NREP: variants seen among roughly 807,000 people sequenced by gnomAD.
The protein encoded by NREP is neuronal regeneration-related protein.
Under a neutral mutation model 8.6 loss-of-function variants are expected in NREP, and 5 were observed. The ratio of observed to expected loss-of-function variants is 0.58; its 90% CI spans 0.30 to 1.22. NREP has a LOEUF of 1.22. NREP is among the 50% of genes most tolerant of loss of function. The pLI is 0.07. For synonymous variants in NREP, 27 were observed against 28.0 expected, an observed-to-expected ratio of 0.96 and a Z score of 0.11; for missense variants, 86 against 82.5, an observed-to-expected ratio of 1.04 and a Z score of -0.17.
intron 3 of NREP, chr5:111,733,146 T>C (rs1748755583): frequency 6.6e-6 from 1 of 152,204 alleles, no homozygotes; most frequent in Non-Finnish European, 1.5e-5. Context: ...ATAATATACA[T>C]TTCTTCATTA....
chr5:111,819,200 G>C (rs1752461072), intron 2 of NREP, among the ~76,000 whole-genome samples: 2 of 151,992 alleles, frequency 1.3e-5, no homozygotes, highest in Non-Finnish European at 2.9e-5. Flanking sequence ...AGTCACCCCT[G>C]GTCACCTGCT....
intron 2 of NREP, among the ~76,000 whole-genome samples, chr5:111,804,845 C>CA (rs1752102794): frequency 1.3e-5 from 2 of 151,994 alleles, no homozygotes; most frequent in Non-Finnish European, 2.9e-5. Flanking sequence ...ACTAAAAATA[C>CA]AAAAAATTAG....
chr5:111,862,025 A>G (rs1038069741), intron 2 of NREP, among the ~76,000 whole-genome samples: 1 of 152,220 alleles, frequency 6.6e-6, no homozygotes, highest in Admixed American at 6.5e-5. Context: ...AGAAATGAGT[A>G]TAATTTTGGG....
chr5:111,741,377 C>T (rs925058765), intron 2 of NREP, among the ~76,000 whole-genome samples: 1 of 152,196 alleles, frequency 6.6e-6, no homozygotes, highest in Non-Finnish European at 1.5e-5. Context: ...TATACATACA[C>T]TTCCTTTCTG....
chr5:111,857,174 T>C (rs987261078), intron 2 of NREP, among the ~76,000 whole-genome samples: 3 of 151,976 alleles, frequency 2.0e-5, no homozygotes, highest in Non-Finnish European at 4.4e-5. Context: ...GGGCTGGGAG[T>C]GCCGAGAGGA....
chr5:111,855,662 C>A (rs1163865583), intron 2 of NREP, among the ~76,000 whole-genome samples: 1 of 152,116 alleles, frequency 6.6e-6, no homozygotes, highest in Non-Finnish European at 1.5e-5. Flanking sequence ...ATCTAAGAAC[C>A]TTCAGGGGAT....
intron 2 of NREP, among the ~76,000 whole-genome samples, chr5:111,799,202 G>T (rs1268716688): frequency 6.6e-6 from 1 of 152,140 alleles, no homozygotes; most frequent in Non-Finnish European, 1.5e-5. Flanking sequence ...TGGGTAATGT[G>T]ATGCCTCCAG....
At chr5:111,915,803 T>A (rs1755040075) in intron 2 of NREP, among the ~76,000 whole-genome samples, 1 of 152,144 alleles carries the variant, frequency 6.6e-6, no homozygotes, top group Non-Finnish European at 1.5e-5. Flanking sequence ...TTTCATTTTT[T>A]AAAAATGCTA....
At chr5:111,850,044 A>C (rs987753704) in intron 2 of NREP, among the ~76,000 whole-genome samples, 20 of 152,152 alleles carry the variant, frequency 1.3e-4, no homozygotes, top group Non-Finnish European at 2.9e-4. Flanking sequence ...TACAGAAGCT[A>C]AACTAGTATC....
chr5:111,785,227 T>C (rs973795228), intron 2 of NREP, among the ~76,000 whole-genome samples: 18 of 152,192 alleles, frequency 1.2e-4, no homozygotes, highest in Non-Finnish European at 2.1e-4. Context: ...AAGCATGGCT[T>C]TGTTAAACGT....
rs996112780 is a variant in NREP, at chr5:111,788,462, A to C, written c.136-52955T>G. On this transcript the variant is annotated intron_variant, in intron 2 of 3. Coordinates refer to the NREP transcript ENST00000395634. Reference sequence around the variant, plus strand: ...GCTGACACTGTGTGATGTAGAAACAAAACACACATGGAACAATGAGAAATC... The same window carrying C: ...GCTGACACTGTGTGATGTAGAAACACAACACACATGGAACAATGAGAAATC... 7.9e-5 allele frequency among the ~76,000 whole-genome samples: 12 copies of C among 152,326 alleles called. No homozygotes were observed. The South Asian group carries it at 2.1e-3, about 26-fold the overall frequency.
chr5:111,877,252 C>G (rs957494266), intron 2 of NREP, among the ~76,000 whole-genome samples: 1 of 152,152 alleles, frequency 6.6e-6, no homozygotes, highest in African/African-American at 2.4e-5. Flanking sequence ...CCTGTTACCG[C>G]CTGGGTCTCC....
At chr5:111,742,746 A>T (rs971798238) in intron 2 of NREP, among the ~76,000 whole-genome samples, 1 of 152,106 alleles carries the variant, frequency 6.6e-6, no homozygotes. Context: ...GTGAACACGG[A>T]GGTCAGCTGC....
At chr5:111,861,742 G>A (rs1194215353) in intron 2 of NREP, among the ~76,000 whole-genome samples, 2 of 152,100 alleles carry the variant, frequency 1.3e-5, no homozygotes, top group Non-Finnish European at 2.9e-5. Context: ...CAATAGCTTG[G>A]ATATAGTAGG....
chr5:111,824,537 T>C (rs1581143664), intron 2 of NREP, among the ~76,000 whole-genome samples: 1 of 152,232 alleles, frequency 6.6e-6, no homozygotes, highest in East Asian at 1.9e-4. Flanking sequence ...TTTTAATGTT[T>C]TTTGAAAGCC....
chr5:111,949,896 G>T (rs1484633898), intron 2 of NREP, among the ~76,000 whole-genome samples: 1 of 151,990 alleles, frequency 6.6e-6, no homozygotes, highest in Non-Finnish European at 1.5e-5. Flanking sequence ...ACATACATGT[G>T]CACGTGTCTT....
intron 2 of NREP, among the ~76,000 whole-genome samples, chr5:111,802,788 A>C (rs892990328): frequency 1.3e-5 from 2 of 152,242 alleles, no homozygotes; most frequent in East Asian, 3.8e-4. Context: ...TAATCATTTC[A>C]TAACTTTTAA....
chr5:111,741,199 G>C lies in NREP; in HGVS notation c.4-5692C>G, dbSNP rs141127163. On this transcript the variant is annotated intron_variant, in intron 2 of 3. Coordinates refer to ENST00000257435, the MANE Select transcript of NREP (RefSeq NM_004772.4). ...GCAATTAGGAAAGCCGACTAGGGCA[G>C]CACGGGTCCAACCTGTATAATCAAT... Among the ~76,000 whole-genome samples the C allele has an allele frequency of 4.6e-3, 703 of 152,286 alleles. 5 individuals are homozygous for C. Among genetic ancestry groups the C allele is most frequent in the African/African-American group, 0.016 (671 of 41,558 alleles).
intron 2 of NREP, among the ~76,000 whole-genome samples, chr5:111,770,381 G>A (rs1320471555): frequency 6.6e-6 from 1 of 152,056 alleles, no homozygotes. Flanking sequence ...TCTCTATGCT[G>A]CAGAGGCAAG....
Sources: gnomAD v4.1 joint callset for allele counts (sites outside exome capture counted in the v4.1 genomes callset) on GRCh38, gnomAD v4.1.1 for gene constraint, MANE v1.5 for transcripts, NCBI Gene and HGNC (gene_info 2026-07-23, HGNC 2026-07-21) for gene names.